INCENP: variants seen among roughly 807,000 people sequenced by gnomAD.
INCENP encodes the protein binds and activates aurora-B and -C in vivo and in vitro.
In INCENP, 43 loss-of-function variants were observed where a neutral mutation model predicts 107.3. The observed-to-expected ratio is 0.40, with a 90% CI of 0.31 to 0.52. The LOEUF (loss-of-function observed/expected upper bound fraction) is 0.52. Ranked by LOEUF, INCENP falls within the 20% of genes least tolerant of loss-of-function variation. The probability of loss-of-function intolerance (pLI) is 0.53; values close to 1 mark genes in which losing one functional copy is unlikely to be tolerated. For synonymous variants in INCENP, 488 were observed against 494.4 expected (o/e 0.99, Z 0.17); for missense variants, 1,089 against 1,250.9 (o/e 0.87, Z 1.95).
At chr11:62,134,383 A>AGCCTAGGT (rs71053015) in intron 4 of INCENP, among the ~76,000 whole-genome samples, 42,721 of 146,536 alleles carry the variant, frequency 0.29, 6,536 homozygotes, top group South Asian at 0.4. Context: ...ACTGCACTCC[A>AGCCTAGGT]GACAGAGTGA....
chr11:62,136,033 G>A (rs2134637713), intron 4 of INCENP, among the ~76,000 whole-genome samples: 1 of 151,534 alleles, frequency 6.6e-6, no homozygotes, highest in African/African-American at 2.4e-5. Flanking sequence ...TCCTGACCTA[G>A]TGATCCGCCC....
At chr11:62,137,477 G>T (rs755364309) in intron 4 of INCENP, among the ~76,000 whole-genome samples, 6 of 152,184 alleles carry the variant, frequency 3.9e-5, no homozygotes, top group Admixed American at 6.5e-5. Flanking sequence ...ATGAATATTT[G>T]TTGACAGAAT....
At position 62,130,586 on chromosome 11, in the gene INCENP, C is replaced by T. The variant is rs1348908444; in HGVS notation, c.1059C>T (p.Ile353=). 1.9e-6 allele frequency: 3 copies of T among 1,609,776 alleles called. No individual in the cohort carries two copies. The Admixed American group carries it at 5.0e-5, about 27-fold the overall frequency. ...TAEEPAASGR[I]ICHSYLERLL... is the part of the protein sequence containing the mutation. ...AAGAGCCAGCTGCCTCTGGCCGCAT[C>T]ATCTGTGAGTCTGGGGGCTTGGCAG... is the stretch of plus-strand genomic sequence containing the variant. Residue 353 remains isoleucine, a synonymous_variant, in exon 4 of 19, where the codon ATC becomes ATT. Coordinates refer to ENST00000394818, the MANE Select transcript of INCENP (RefSeq NM_001040694.2).
chr11:62,148,147 AT>A (rs1191745501), intron 15 of INCENP, among the ~76,000 whole-genome samples: 1 of 152,192 alleles, frequency 6.6e-6, no homozygotes, highest in African/African-American at 2.4e-5. Flanking sequence ...ATTGTGGATT[AT>A]CCCATTTGAT....
At chr11:62,127,894 C>A (rs1439028955) in intron 1 of INCENP, among the ~76,000 whole-genome samples, 1 of 151,746 alleles carries the variant, frequency 6.6e-6, no homozygotes, top group Non-Finnish European at 1.5e-5. Context: ...TGGGGACAGT[C>A]ATGCTGGCGG....
At chr11:62,145,836 C>A (rs1944231691) in intron 14 of INCENP, 85 bp downstream of exon 14, 1 of 1,446,036 alleles carries the variant, frequency 6.9e-7, no homozygotes, top group Non-Finnish European at 9.3e-7. Context: ...GTGCACCCCA[C>A]CTTGTGGGGT....
intron 15 of INCENP, among the ~76,000 whole-genome samples, chr11:62,147,128 G>A (rs1944269450): frequency 6.6e-6 from 1 of 152,196 alleles, no homozygotes; most frequent in African/African-American, 2.4e-5. Flanking sequence ...CCAGCTGCAT[G>A]TGCTGACCTC....
Position 62,151,946 on chromosome 11 carries a change from C to T in INCENP, c.2727C>T (p.Ser909=), listed in dbSNP as rs1326731567. 2.5e-6 allele frequency: 4 copies of T among 1,611,992 alleles called. No individual in the cohort carries two copies. In the African/African-American group the frequency reaches 4.0e-5, roughly 16 times the overall value. The change falls in exon 19 of 19, where the codon AGC becomes AGT. Residue 909 remains serine, a synonymous_variant. Transcript: ENST00000394818. ...CCCTGCAGGGCGCCAGGGTCCCCAG[C>T]AGCCTGGCCTACAGCCTGAAGAAGC... ...SPPLQGARVP[S]SLAYSLKKH
intron 3 of INCENP, 109 bp from the exon 4 acceptor site, chr11:62,129,673 G>A (rs1943835734): frequency 1.1e-6 from 1 of 883,952 alleles, no homozygotes; most frequent in Non-Finnish European, 1.7e-6. Flanking sequence ...CAGATCTTTT[G>A]CCTTCACCTT....
intron 4 of INCENP, among the ~76,000 whole-genome samples, chr11:62,136,044 G>T (rs1214043114): frequency 1.3e-5 from 2 of 152,054 alleles, no homozygotes; most frequent in East Asian, 1.9e-4. Flanking sequence ...TGATCCGCCC[G>T]CCTCGGCCTC....
intron 11 of INCENP, among the ~76,000 whole-genome samples, chr11:62,142,474 G>A (rs967778952): frequency 6.6e-6 from 1 of 152,218 alleles, no homozygotes; most frequent in Non-Finnish European, 1.5e-5. Context: ...TTCCTGCTTT[G>A]GGGATCCCAG....
rs572523357 is a variant in INCENP at position 62,137,634 on chromosome 11, C to T, written c.1064-198C>T. On this transcript the variant is annotated intron_variant, in intron 4 of 18. Transcript: ENST00000394818. ...ATGGGAAGACCATCTGGGAAGCAGC[C>T]GGGGACATGAAGCCAGCAGCTCCGA... Among the ~76,000 whole-genome samples, 11 of 152,212 alleles carry T rather than the reference C, an allele frequency of 7.2e-5. No individual in the cohort carries two copies. The South Asian group carries it at 2.1e-3, about 29-fold the overall frequency.
chr11:62,128,314 A>G lies in INCENP; in HGVS notation c.140+13A>G. 6.2e-7 allele frequency: 1 copy of G among 1,613,994 alleles called. No individual in the cohort carries two copies. Among genetic ancestry groups the G allele is most frequent in the East Asian group, 2.2e-5 (1 of 44,884 alleles). ...GCATGTTCACCAGGTGAAGACGGGC[A>G]CAGTGAGAGGCTGGGAACACCAGGG... On this transcript the variant is annotated intron_variant, in intron 2 of 18. Coordinates refer to ENST00000394818, the MANE Select transcript of INCENP (RefSeq NM_001040694.2).
intron 11 of INCENP, among the ~76,000 whole-genome samples, chr11:62,143,414 A>G (rs1944168061): frequency 6.6e-6 from 1 of 152,088 alleles, no homozygotes; most frequent in Admixed American, 6.6e-5. Flanking sequence ...TTGGAGTTCC[A>G]GGCTGTGTTG....
At chr11:62,129,625 G>C (rs555701756) in intron 3 of INCENP, among the ~76,000 whole-genome samples, 157 bp from the exon 4 acceptor site, 37 of 152,296 alleles carry the variant, frequency 2.4e-4, no homozygotes, top group African/African-American at 8.7e-4. Flanking sequence ...ATGGCCTGGG[G>C]CCTCATGGCT....
chr11:62,147,605 T>C (rs1629983), intron 15 of INCENP, among the ~76,000 whole-genome samples: 126,020 of 152,150 alleles, frequency 0.83, 53,103 homozygotes, highest in Non-Finnish European at 0.9. Context: ...GTGTGAGACA[T>C]GCAGGCCCCG....
chr11:62,147,897 G>C (rs1449543404), intron 15 of INCENP, among the ~76,000 whole-genome samples: 1 of 152,176 alleles, frequency 6.6e-6, no homozygotes, highest in East Asian at 1.9e-4. Flanking sequence ...CGGCAGCTTT[G>C]GTGGGTACCC....
rs1944208432 is a variant in INCENP at position 62,145,022 on chromosome 11, A to C, written c.1646A>C (p.Glu549Ala). The C allele has an allele frequency of 1.9e-6, 3 of 1,607,990 alleles. No homozygotes were observed. The highest frequency in any genetic ancestry group is 1.7e-6 in the Non-Finnish European group (2 of 1,178,292). ...CGCCTGGAGAATCTGCGGCGGAAGG[A>C]GGAGGCCGAGCAGCTGCGCAGGCAG... ...RQRLENLRRKEEAEQLRRQKV... is the reference protein window; with the variant it reads ...RQRLENLRRKAEAEQLRRQKV... The change falls in exon 12 of 19, where the codon GAG becomes GCG. Residue 549 changes from glutamate (E) to alanine (A), a missense_variant. Transcript: ENST00000394818.
At chr11:62,140,320 G>A (rs1450270853) in intron 8 of INCENP, 35 bp downstream of exon 8, 1 of 1,563,334 alleles carries the variant, frequency 6.4e-7, no homozygotes, top group East Asian at 2.2e-5. Context: ...AGGTAACTCT[G>A]AGGGCCCTGG....
Sources: gnomAD v4.1 joint callset for allele counts (sites outside exome capture counted in the v4.1 genomes callset) on GRCh38, gnomAD v4.1.1 for gene constraint, MANE v1.5 for transcripts, NCBI Gene and HGNC (gene_info 2026-07-23, HGNC 2026-07-21) for gene names.